SYT2: variants seen among roughly 807,000 people sequenced by gnomAD.
SYT2 encodes synaptotagmin 2, also known as synaptotagmin-2.
In SYT2, 15 loss-of-function variants were observed where a neutral mutation model predicts 39.9. The observed-to-expected ratio is 0.38, with a 90% CI of 0.25 to 0.58. The LOEUF is 0.58. Ranked by LOEUF, SYT2 falls within the 20% of genes least tolerant of loss-of-function variation. The pLI is 0.70. For missense variants in SYT2, 389 were observed against 530.3 expected, an observed-to-expected ratio of 0.73 and a Z score of 2.62; for synonymous variants, 181 against 204.5, an observed-to-expected ratio of 0.89 and a Z score of 0.98.
rs548032304 is a variant in SYT2, at chr1:202,642,826, C to T, written c.-17-37037G>A. The stretch of plus-strand genomic sequence containing the variant: ...CATGCGCCCCGCACCCACTTCTCTC[C>T]GCACGCCCACTTCATGCACCTCCCC... On this transcript the variant is annotated intron_variant, in intron 1 of 8. Transcript: ENST00000367268. Among the ~76,000 whole-genome samples the T allele has an allele frequency of 2.6e-5, 4 of 152,318 alleles. No individual in the cohort carries two copies. In the South Asian group the frequency reaches 6.2e-4, roughly 24 times the overall value.
At chr1:202,709,888 C>T (rs544568776) in intron 1 of SYT2, among the ~76,000 whole-genome samples, 78 of 152,038 alleles carry the variant, frequency 5.1e-4, no homozygotes, top group Middle Eastern at 3.4e-3. Context: ...GGGCTAGACG[C>T]GAGTGGGTTC....
At chr1:202,701,337 C>T (rs917768979) in intron 1 of SYT2, among the ~76,000 whole-genome samples, 1 of 152,168 alleles carries the variant, frequency 6.6e-6, no homozygotes, top group Admixed American at 6.5e-5. Context: ...GCTAGTTCAG[C>T]CTGCAACTCA....
At chr1:202,622,899 CTCT>C (rs1691244428) in intron 1 of SYT2, among the ~76,000 whole-genome samples, 1 of 152,170 alleles carries the variant, frequency 6.6e-6, no homozygotes, top group South Asian at 2.1e-4. Flanking sequence ...AGTCCACAGC[CTCT>C]TTTCGAAAAC....
At position 202,664,720 on chromosome 1, in the gene SYT2, C is replaced by T. The variant is rs540194741; in HGVS notation, c.-18+45538G>A. Among the ~76,000 whole-genome samples, 11 of 152,286 alleles carry T rather than the reference C, an allele frequency of 7.2e-5. No homozygotes were observed. The South Asian group carries it at 1.2e-3, about 17-fold the overall frequency. ...TGTTGCCCAGGCTGAAGTGCAATGG[C>T]GCGATCTTGGCTCACTGCAACCTCC... On this transcript the variant is annotated intron_variant, in intron 1 of 8. Transcript: ENST00000367268.
intron 1 of SYT2, among the ~76,000 whole-genome samples, chr1:202,622,628 G>C (rs2149083925): frequency 6.6e-6 from 1 of 152,286 alleles, no homozygotes; most frequent in South Asian, 2.1e-4. Context: ...CACCAATCTT[G>C]GGCTGGCCTG....
intron 1 of SYT2, among the ~76,000 whole-genome samples, chr1:202,676,260 G>A (rs539723496): frequency 7.9e-5 from 12 of 152,240 alleles, no homozygotes; most frequent in East Asian, 3.9e-4. Flanking sequence ...TGCCCTCCAG[G>A]GAGTTGGGGA....
rs575702984 is a variant in SYT2, at chr1:202,620,419, A to T, written c.-17-14630T>A. Among the ~76,000 whole-genome samples the T allele has an allele frequency of 2.0e-4, 30 of 151,612 alleles. 2 individuals carry two copies. The South Asian group carries it at 5.6e-3, about 28-fold the overall frequency. ...CACACTTGGCCTGGGGTGAGTTAGGAGTTGGGGAGCAGGTGACAACCTGGT... is the reference window on the plus strand; with the variant it reads ...CACACTTGGCCTGGGGTGAGTTAGGTGTTGGGGAGCAGGTGACAACCTGGT... On this transcript the variant is annotated intron_variant, in intron 1 of 8. Coordinates refer to ENST00000367268, the MANE Select transcript of SYT2 (RefSeq NM_177402.5).
chr1:202,644,698 A>C (rs1265059296), intron 1 of SYT2, among the ~76,000 whole-genome samples: 1 of 151,908 alleles, frequency 6.6e-6, no homozygotes, highest in Admixed American at 6.6e-5. Flanking sequence ...CCCCCAACCC[A>C]CACACACAAA....
chr1:202,692,930 AAG>A (rs1222374177), intron 1 of SYT2, among the ~76,000 whole-genome samples: 1 of 152,214 alleles, frequency 6.6e-6, no homozygotes, highest in Non-Finnish European at 1.5e-5. Context: ...TTGAAAAAGA[AAG>A]AGGAGGTTAA....
intron 1 of SYT2, among the ~76,000 whole-genome samples, chr1:202,619,375 G>T (rs546201389): frequency 1.3e-5 from 2 of 152,204 alleles, no homozygotes; most frequent in Non-Finnish European, 2.9e-5. Context: ...GGAGGCTGGG[G>T]GTGGGGAGAG....
At chr1:202,658,206 C>A (rs535134879) in intron 1 of SYT2, among the ~76,000 whole-genome samples, 3 of 152,150 alleles carry the variant, frequency 2.0e-5, no homozygotes, top group Non-Finnish European at 4.4e-5. Flanking sequence ...GATGACAAAG[C>A]TGACTGGCCC....
rs150417936 is a variant in SYT2, at chr1:202,695,722, T to A, written c.-18+14536A>T. On this transcript the variant is annotated intron_variant, in intron 1 of 8. Transcript: ENST00000367268. ...TGGCAACGTGAGGAGAAGAGATTCATGGACTTGTCTGAGGAAGAGACCTTG... is the reference window on the plus strand; with the variant it reads ...TGGCAACGTGAGGAGAAGAGATTCAAGGACTTGTCTGAGGAAGAGACCTTG... Among the ~76,000 whole-genome samples, 803 of 152,336 alleles carry A rather than the reference T, an allele frequency of 5.3e-3. 4 individuals are homozygous for A. The highest frequency in any genetic ancestry group is 7.8e-3 in the Non-Finnish European group (532 of 68,026).
At chr1:202,607,812 T>A (rs927987805) in intron 1 of SYT2, among the ~76,000 whole-genome samples, 1 of 152,128 alleles carries the variant, frequency 6.6e-6, no homozygotes, top group Non-Finnish European at 1.5e-5. Context: ...GGGATAAAGA[T>A]GTGTGTCCAG....
rs1156581303 is a variant in SYT2, at chr1:202,595,263, G to A, written c.*1494C>T. ...TATATGGCTTTTATATCAGTGCTGG[G>A]GACAAAAGGTGAACAGGGAATGGGA... On this transcript the variant is annotated 3_prime_UTR_variant, in exon 9 of 9. Transcript: ENST00000367268. 1 of 152,276 alleles carries A rather than the reference G, an allele frequency of 6.6e-6. No individual in the cohort carries two copies. Among genetic ancestry groups the A allele is most frequent in the African/African-American group, 2.4e-5 (1 of 41,456 alleles). The allele number at this position is 152,276 out of a possible 1,614,324, so 9.4% of individuals were successfully genotyped here.
intron 1 of SYT2, among the ~76,000 whole-genome samples, chr1:202,634,747 A>C (rs912095633): frequency 1.3e-5 from 2 of 152,236 alleles, no homozygotes; most frequent in Non-Finnish European, 2.9e-5. Flanking sequence ...CTAAACCTTG[A>C]AAGCATTATG....
intron 1 of SYT2, among the ~76,000 whole-genome samples, chr1:202,655,915 T>C (rs1466309434): frequency 6.6e-6 from 1 of 151,814 alleles, no homozygotes; most frequent in Non-Finnish European, 1.5e-5. Context: ...ATGGAGCGAG[T>C]GGGCCTGCTT....
rs1690236639 is a variant in SYT2, at chr1:202,595,033, T to C, written c.*1724A>G. 1 of 152,242 alleles carries C rather than the reference T, an allele frequency of 6.6e-6. No individual in the cohort carries two copies. The highest frequency in any genetic ancestry group is 2.1e-4 in the South Asian group (1 of 4,826). The allele number at this position is 152,242 out of a possible 1,614,324, so 9.4% of individuals were successfully genotyped here. ...AGGATAGAGATGCTGCCATTTGTGC[T>C]GGGAAAGAGAGATACTCAGGCTTCT... On this transcript the variant is annotated 3_prime_UTR_variant, in exon 9 of 9. Transcript: ENST00000367268.
chr1:202,651,773 C>A (rs916116088), intron 1 of SYT2, among the ~76,000 whole-genome samples: 2 of 152,182 alleles, frequency 1.3e-5, no homozygotes, highest in Admixed American at 1.3e-4. Context: ...AAATAAGTCA[C>A]ACAGAGGGCA....
At chr1:202,642,361 C>T (rs978087166) in intron 1 of SYT2, among the ~76,000 whole-genome samples, 5 of 151,742 alleles carry the variant, frequency 3.3e-5, no homozygotes, top group African/African-American at 1.2e-4. Flanking sequence ...CCCCCGCGCG[C>T]CCTCCCCCAC....
Sources: gnomAD v4.1 joint callset for allele counts (sites outside exome capture counted in the v4.1 genomes callset) on GRCh38, gnomAD v4.1.1 for gene constraint, MANE v1.5 for transcripts, NCBI Gene and HGNC (gene_info 2026-07-23, HGNC 2026-07-21) for gene names.